FHIT: variants seen among roughly 807,000 people sequenced by gnomAD.
FHIT encodes bis(5'-adenosyl)-triphosphatase.
FHIT carries 19 observed loss-of-function variants against 17.9 expected under a neutral mutation model. The observed-to-expected ratio is 1.06, with a 90% confidence interval of 0.74 to 1.56. FHIT has a LOEUF of 1.56. FHIT is among the 40% of genes most tolerant of loss of function. FHIT has a pLI of 0.00. For missense variants in FHIT, 248 were observed against 189.2 expected (o/e 1.31, Z -1.82); for synonymous variants, 81 against 69.7 (o/e 1.16, Z -0.81).
chr3:61,095,472 G>A (rs2035609276), intron 2 of FHIT, among the ~76,000 whole-genome samples: 2 of 152,086 alleles, frequency 1.3e-5, no homozygotes, highest in South Asian at 4.1e-4. Flanking sequence ...CAGAACCTGT[G>A]CAAACAGGAT....
intron 5 of FHIT, among the ~76,000 whole-genome samples, chr3:60,047,562 C>T (rs922739597): frequency 2.1e-4 from 32 of 152,208 alleles, no homozygotes; most frequent in African/African-American, 7.2e-4. Context: ...CCACACCTGG[C>T]GTGAACCGAT....
At chr3:60,178,573 A>T (rs899928134) in intron 5 of FHIT, among the ~76,000 whole-genome samples, 3 of 152,172 alleles carry the variant, frequency 2.0e-5, no homozygotes, top group Admixed American at 6.5e-5. Flanking sequence ...ACGACACAGC[A>T]AGACTCTGTT....
intron 5 of FHIT, among the ~76,000 whole-genome samples, chr3:60,123,967 AATATATATATAT>A (rs1176212050): frequency 0.014 from 387 of 27,660 alleles, 6 homozygotes; most frequent in African/African-American, 0.016. Context: ...ATGCACTAAA[AATATATATATAT>A]ATATATATAT....
chr3:60,475,973 A>C (rs920682197), intron 5 of FHIT, among the ~76,000 whole-genome samples: 1 of 152,206 alleles, frequency 6.6e-6, no homozygotes, highest in African/African-American at 2.4e-5. Flanking sequence ...AATAACACAC[A>C]GGGAACTTGG....
chr3:60,058,106 A>G (rs1702153651), intron 5 of FHIT, among the ~76,000 whole-genome samples: 1 of 121,918 alleles, frequency 8.2e-6, no homozygotes, highest in African/African-American at 3.1e-5. Flanking sequence ...ATAGGGAGTT[A>G]TTGTATAATG....
At chr3:60,440,577 C>A (rs2030708724) in intron 5 of FHIT, among the ~76,000 whole-genome samples, 1 of 152,046 alleles carries the variant, frequency 6.6e-6, no homozygotes, top group African/African-American at 2.4e-5. Context: ...CCATGAGGAA[C>A]CTCAGCGTTA....
chr3:60,915,845 T>C (rs1258652939), intron 3 of FHIT, among the ~76,000 whole-genome samples: 7 of 152,134 alleles, frequency 4.6e-5, no homozygotes, highest in African/African-American at 9.7e-5. Flanking sequence ...ATATCCACAA[T>C]TGTCTTAATT....
At chr3:60,780,533 A>C (rs1428819846) in intron 4 of FHIT, among the ~76,000 whole-genome samples, 2 of 152,140 alleles carry the variant, frequency 1.3e-5, no homozygotes, top group African/African-American at 4.8e-5. Context: ...CATAGTTTCT[A>C]ATAACCTGGT....
chr3:60,680,560 A>ATTTT lies in FHIT; in HGVS notation c.-18+141355_-18+141358dup, dbSNP rs56306198. Among the ~76,000 whole-genome samples the ATTTT allele has an allele frequency of 6.7e-3, 972 of 145,848 alleles. 11 individuals carry two copies. Among genetic ancestry groups the ATTTT allele is most frequent in the African/African-American group, 0.02 (815 of 39,844 alleles). Reference sequence around the variant, plus strand: ...TTTTAAAATCCAAATTTCATCATCTATTTTTTTTTTTTTGCCAATGTTCAT... The same window carrying ATTTT: ...TTTTAAAATCCAAATTTCATCATCTATTTTTTTTTTTTTTTTTGCCAATGTTCAT... On this transcript the variant is annotated intron_variant, in intron 4 of 9. Coordinates refer to ENST00000492590, the MANE Select transcript of FHIT (RefSeq NM_002012.4).
At chr3:60,957,429 G>A (rs1444943005) in intron 3 of FHIT, among the ~76,000 whole-genome samples, 2 of 151,812 alleles carry the variant, frequency 1.3e-5, no homozygotes, top group Non-Finnish European at 2.9e-5. Flanking sequence ...AGTAGAGATG[G>A]GGTTTCACCG....
At chr3:59,814,470 G>A (rs1425055706) in intron 8 of FHIT, among the ~76,000 whole-genome samples, 1 of 152,086 alleles carries the variant, frequency 6.6e-6, no homozygotes, top group Non-Finnish European at 1.5e-5. Context: ...TTAAGTTTTT[G>A]GTTGTATTTT....
chr3:61,152,899 T>C (rs969314867), intron 2 of FHIT, among the ~76,000 whole-genome samples: 5 of 152,060 alleles, frequency 3.3e-5, no homozygotes, highest in African/African-American at 1.2e-4. Flanking sequence ...ATCCCAGCAC[T>C]TTGGGAGGCT....
At position 59,842,803 on chromosome 3, in the gene FHIT, A is replaced by G. The variant is rs545376218; in HGVS notation, c.348+79543T>C. Reference sequence around the variant, plus strand: ...TTTAGGAATTATCTATATATTATGAATATTAATCTATTATCAGATATATGA... The same window carrying G: ...TTTAGGAATTATCTATATATTATGAGTATTAATCTATTATCAGATATATGA... On this transcript the variant is annotated intron_variant, in intron 8 of 9. Coordinates refer to ENST00000492590, the MANE Select transcript of FHIT (RefSeq NM_002012.4). 2.6e-5 allele frequency among the ~76,000 whole-genome samples: 4 copies of G among 152,178 alleles called. 1 individual carries two copies. The South Asian group carries it at 8.3e-4, about 32-fold the overall frequency.
chr3:60,047,176 G>C (rs1701688569), intron 5 of FHIT, among the ~76,000 whole-genome samples: 1 of 152,190 alleles, frequency 6.6e-6, no homozygotes, highest in African/African-American at 2.4e-5. Flanking sequence ...ACTGCCCTCT[G>C]GTTTGTGAGG....
At chr3:60,878,303 A>T (rs1186375990) in intron 3 of FHIT, among the ~76,000 whole-genome samples, 7 of 152,028 alleles carry the variant, frequency 4.6e-5, no homozygotes, top group African/African-American at 1.7e-4. Flanking sequence ...TGATATTAGC[A>T]CCCTGACTCC....
chr3:59,838,291 C>T (rs1363502391), intron 8 of FHIT, among the ~76,000 whole-genome samples: 2 of 152,136 alleles, frequency 1.3e-5, no homozygotes, highest in African/African-American at 4.8e-5. Context: ...TGTTCTTGGC[C>T]CCATTCTGCT....
At chr3:59,986,758 A>T (rs1708973552) in intron 7 of FHIT, among the ~76,000 whole-genome samples, 3 of 33,916 alleles carry the variant, frequency 8.8e-5, no homozygotes, top group African/African-American at 2.6e-4. Context: ...ATATATATAT[A>T]AATATATTTA....
intron 8 of FHIT, among the ~76,000 whole-genome samples, chr3:59,781,947 G>A (rs1018807092): frequency 6.6e-6 from 1 of 152,174 alleles, no homozygotes; most frequent in Non-Finnish European, 1.5e-5. Context: ...CATGACATAT[G>A]CTCTAGATTT....
chr3:60,747,237 T>C (rs1553715617), intron 4 of FHIT, among the ~76,000 whole-genome samples: 1 of 152,190 alleles, frequency 6.6e-6, no homozygotes, highest in Non-Finnish European at 1.5e-5. Context: ...CCTGGAATTG[T>C]CTAATTCCTG....
Sources: gnomAD v4.1 joint callset for allele counts (sites outside exome capture counted in the v4.1 genomes callset) on GRCh38, gnomAD v4.1.1 for gene constraint, MANE v1.5 for transcripts, NCBI Gene and HGNC (gene_info 2026-07-23, HGNC 2026-07-21) for gene names.